The following STARD8 variants were observed in gnomAD, a reference collection of about 807,000 sequenced individuals.
STARD8 encodes the protein stAR-related lipid transfer protein 8.
In STARD8, 25 loss-of-function variants were observed where a neutral mutation model predicts 69.4. The observed-to-expected ratio is 0.36, with a 90% CI of 0.26 to 0.50. STARD8 has a LOEUF of 0.50. Among genes scored for constraint, STARD8 ranks in the 20% least tolerant of loss-of-function variants. The pLI is 0.96. For missense variants in STARD8, 921 were observed against 932.5 expected (o/e 0.99, Z 0.16); for synonymous variants, 389 against 374.6 (o/e 1.04, Z -0.45).
intron 3 of STARD8, 96 bp from the exon 4 acceptor site, chrX:68,715,198 C>G: frequency 2.8e-6 from 2 of 721,687 alleles, no homozygotes; most frequent in Non-Finnish European, 4.1e-6. Context: ...TTCCTGCTCC[C>G]CCTCCTTCCT....
At chrX:68,674,184 C>T (rs905349424) in intron 2 of STARD8, among the ~76,000 whole-genome samples, 1 of 108,992 alleles carries the variant, frequency 9.2e-6, no homozygotes, top group Non-Finnish European at 1.9e-5. Context: ...ATCCCAGCTA[C>T]TCGGGAGGCT....
At chrX:68,720,788 C>A (rs767593170) in intron 8 of STARD8, 136 bp from the exon 9 acceptor site, 29 of 538,246 alleles carry the variant, frequency 5.4e-5, no homozygotes, top group Admixed American at 7.5e-5. Context: ...TCCTACCCTG[C>A]CCCTCAGGAG....
chrX:68,666,538 G>A (rs781710739), intron 2 of STARD8, among the ~76,000 whole-genome samples: 1 of 112,288 alleles, frequency 8.9e-6, no homozygotes, highest in South Asian at 3.7e-4. Context: ...TGGTTTGGGC[G>A]AATCACGCCA....
At chrX:68,703,991 T>C (rs1373282960) in intron 2 of STARD8, among the ~76,000 whole-genome samples, 1 of 111,915 alleles carries the variant, frequency 8.9e-6, no homozygotes, top group Admixed American at 9.5e-5. Context: ...AGTGCTGTGG[T>C]GATACCAGAC....
intron 14 of STARD8, 50 bp downstream of exon 14, chrX:68,724,171 C>T (rs2080179130): frequency 1.7e-6 from 2 of 1,185,604 alleles, no homozygotes; most frequent in African/African-American, 3.5e-5. Flanking sequence ...TGACCCCCTC[C>T]CCTGCCTCTG....
At chrX:68,662,743 T>A (rs1381588581) in intron 1 of STARD8, among the ~76,000 whole-genome samples, 1 of 112,066 alleles carries the variant, frequency 8.9e-6, no homozygotes, top group East Asian at 2.8e-4. Context: ...ACTTCCTTCA[T>A]GAGGGTCCTT....
chrX:68,658,460 C>T (rs542622020), intron 1 of STARD8, among the ~76,000 whole-genome samples: 2 of 112,283 alleles, frequency 1.8e-5, no homozygotes, highest in Middle Eastern at 4.6e-3. Flanking sequence ...GTCTTTCCAG[C>T]TCTGACAGTC....
chrX:68,723,647 C>T lies in STARD8; in HGVS notation c.2821C>T (p.Arg941Trp), dbSNP rs770510451. The change falls in exon 13 of 15, where the codon CGG (arginine) becomes TGG (tryptophan). Residue 941 changes from arginine (R) to tryptophan (W), a missense_variant. Transcript: ENST00000374599. ...ACAGGCACCGGATGGGCACCCCCTG[C>T]GGCTATGGAAGGCATCCACAGAGGT... is the stretch of plus-strand genomic sequence containing the variant. ...CRKAPDGHPLRLWKASTEVAA... is the reference protein window; with the variant it reads ...CRKAPDGHPLWLWKASTEVAA... The T allele has an allele frequency of 1.4e-5, 17 of 1,196,055 alleles. No individual in the cohort carries two copies. Among genetic ancestry groups the T allele is most frequent in the Admixed American group, 2.2e-5 (1 of 44,506 alleles).
chrX:68,713,099 G>A (rs1361173720), intron 3 of STARD8, 114 bp downstream of exon 3: 27 of 749,463 alleles, frequency 3.6e-5, no homozygotes, highest in Non-Finnish European at 4.4e-5. Context: ...GTGTCTCCTG[G>A]CCCTGCTCCG....
At chrX:68,703,027 G>C (rs952269385) in intron 2 of STARD8, among the ~76,000 whole-genome samples, 1 of 111,709 alleles carries the variant, frequency 9.0e-6, no homozygotes, top group African/African-American at 3.3e-5. Context: ...TGAGGCAGAA[G>C]GATTGCCTGA....
chrX:68,662,544 C>T (rs2079658286), intron 1 of STARD8, among the ~76,000 whole-genome samples: 1 of 111,791 alleles, frequency 8.9e-6, no homozygotes, highest in Non-Finnish European at 1.9e-5. Flanking sequence ...TGGCACTCTG[C>T]TCTCCAGCTA....
intron 2 of STARD8, among the ~76,000 whole-genome samples, chrX:68,679,983 CT>C (rs1466627889): frequency 8.9e-6 from 1 of 112,079 alleles, no homozygotes; most frequent in African/African-American, 3.2e-5. Context: ...ATGTGCACCC[CT>C]ATCTGTTCAA....
At chrX:68,688,304 G>T (rs1041767474) in intron 2 of STARD8, among the ~76,000 whole-genome samples, 6 of 111,388 alleles carry the variant, frequency 5.4e-5, no homozygotes, top group Admixed American at 9.4e-5. Context: ...AGACAGGGGG[G>T]TGGTTGGCCA....
intron 1 of STARD8, among the ~76,000 whole-genome samples, chrX:68,660,382 C>T (rs1048574800): frequency 9.0e-6 from 1 of 111,679 alleles, no homozygotes; most frequent in Admixed American, 9.4e-5. Flanking sequence ...TTCTTGAAAC[C>T]AGCTCTCCTC....
At chrX:68,679,314 G>A (rs1011882314) in intron 2 of STARD8, among the ~76,000 whole-genome samples, 4 of 111,440 alleles carry the variant, frequency 3.6e-5, no homozygotes, top group Non-Finnish European at 7.5e-5. Context: ...GAGACTCCTG[G>A]CTCAGTGTTC....
chrX:68,668,055 T>TC (rs2079695005), intron 2 of STARD8, among the ~76,000 whole-genome samples: 1 of 100,003 alleles, frequency 1.0e-5, no homozygotes, highest in South Asian at 5.1e-4. Context: ...TCTCTCTCTT[T>TC]CTTTTCTTTC....
At chrX:68,658,846 G>A (rs1013708139) in intron 1 of STARD8, among the ~76,000 whole-genome samples, 2 of 112,437 alleles carry the variant, frequency 1.8e-5, no homozygotes, top group Non-Finnish European at 3.8e-5. Context: ...TGCTGTCAGG[G>A]CCCTTAGAGT....
chrX:68,683,019 G>T (rs2079809949), intron 2 of STARD8, among the ~76,000 whole-genome samples: 1 of 112,484 alleles, frequency 8.9e-6, no homozygotes, highest in Non-Finnish European at 1.9e-5. Flanking sequence ...CACCAGCCAG[G>T]AAACAGTCAG....
intron 1 of STARD8, among the ~76,000 whole-genome samples, chrX:68,648,532 G>T (rs187297826): frequency 3.1e-4 from 35 of 111,526 alleles, no homozygotes; most frequent in African/African-American, 1.1e-3. Context: ...AGGCCGAGGT[G>T]GGAGGATCAC....
Sources: gnomAD v4.1 joint callset for allele counts (sites outside exome capture counted in the v4.1 genomes callset) on GRCh38, gnomAD v4.1.1 for gene constraint, MANE v1.5 for transcripts, NCBI Gene and HGNC (gene_info 2026-07-23, HGNC 2026-07-21) for gene names.